ATP8A2: variants seen among roughly 807,000 people sequenced by gnomAD.
ATP8A2 encodes the protein phospholipid-transporting ATPase IB.
ATP8A2 carries 100 observed loss-of-function variants against 165.6 expected under a neutral mutation model. The observed-to-expected ratio is 0.60, with a 90% CI of 0.51 to 0.71. ATP8A2 has a LOEUF of 0.71. Among genes scored for constraint, ATP8A2 ranks in the 30% least tolerant of loss-of-function variants. The pLI, the probability that ATP8A2 is intolerant of heterozygous loss-of-function variation, is 0.00. For missense variants in ATP8A2, 1,227 were observed against 1,479.5 expected (o/e 0.83, Z 2.80); for synonymous variants, 543 against 548.8 (o/e 0.99, Z 0.15).
chr13:25,536,069 T>A (rs2038272086), intron 6 of ATP8A2, among the ~76,000 whole-genome samples: 1 of 152,192 alleles, frequency 6.6e-6, no homozygotes, highest in African/African-American at 2.4e-5. Flanking sequence ...TTACTTCTTC[T>A]GATTTTTATA....
chr13:25,984,028 T>C (rs1956222954), intron 35 of ATP8A2, among the ~76,000 whole-genome samples: 1 of 149,280 alleles, frequency 6.7e-6, no homozygotes. Context: ...AGGCCAGGAG[T>C]TCAAGACCAG....
At chr13:25,740,955 A>T (rs2043898219) in intron 25 of ATP8A2, among the ~76,000 whole-genome samples, 1 of 152,236 alleles carries the variant, frequency 6.6e-6, no homozygotes, top group South Asian at 2.1e-4. Flanking sequence ...TCATTTAAAC[A>T]GGCGTCTTTA....
chr13:25,545,999 G>T (rs767106109), intron 10 of ATP8A2, among the ~76,000 whole-genome samples: 2 of 152,084 alleles, frequency 1.3e-5, no homozygotes, highest in Admixed American at 6.6e-5. Context: ...TTTGGTCAAG[G>T]CCCCAAAGCT....
chr13:25,883,208 G>GCA (rs1953037724), intron 33 of ATP8A2, among the ~76,000 whole-genome samples: 2 of 152,010 alleles, frequency 1.3e-5, no homozygotes, highest in Non-Finnish European at 2.9e-5. Context: ...TCCCTCTCCA[G>GCA]TGTGTGGCAT....
intron 1 of ATP8A2, among the ~76,000 whole-genome samples, chr13:25,394,818 C>T (rs969959877): frequency 2.6e-5 from 4 of 152,292 alleles, no homozygotes; most frequent in South Asian, 2.1e-4. Flanking sequence ...AATAACTCTT[C>T]GTCACCTGAG....
chr13:25,703,509 G>A (rs1457849080), intron 25 of ATP8A2, among the ~76,000 whole-genome samples: 1 of 152,130 alleles, frequency 6.6e-6, no homozygotes, highest in Non-Finnish European at 1.5e-5. Flanking sequence ...ATACTTGTAT[G>A]TGCATGTCCA....
Position 25,940,033 on chromosome 13 carries a change from A to G in ATP8A2, c.3184-21542A>G, listed in dbSNP as rs775763989. On this transcript the variant is annotated intron_variant, in intron 33 of 36. Transcript: ENST00000381655. ...TCCACGTTTGGCGAAACGTGAAAGG[A>G]TGTGGATCCTGCCCTCAGTCCTCGG... Among the ~76,000 whole-genome samples, 3 of 151,976 alleles carry G rather than the reference A, an allele frequency of 2.0e-5. No individual in the cohort carries two copies. The East Asian group carries it at 5.8e-4, about 29-fold the overall frequency.
intron 1 of ATP8A2, among the ~76,000 whole-genome samples, chr13:25,417,029 G>A (rs186303688): frequency 6.4e-4 from 98 of 152,022 alleles, no homozygotes; most frequent in African/African-American, 2.0e-3. Context: ...GGGCTATCTC[G>A]GGGGGTGGTT....
intron 2 of ATP8A2, among the ~76,000 whole-genome samples, chr13:25,493,901 GT>G (rs974708124): frequency 2.0e-5 from 3 of 152,114 alleles, no homozygotes; most frequent in Admixed American, 1.3e-4. Context: ...CAGGTGCAAT[GT>G]TTATTGATTT....
chr13:25,562,804 T>A (rs565312679), intron 15 of ATP8A2, among the ~76,000 whole-genome samples: 1 of 151,506 alleles, frequency 6.6e-6, no homozygotes, highest in South Asian at 2.1e-4. Context: ...AAGATAAGCA[T>A]TTTTTTTTCT....
At position 25,697,326 on chromosome 13, in the gene ATP8A2, C is replaced by A. The variant is rs151209868; in HGVS notation, c.2212-1847C>A. The stretch of plus-strand genomic sequence containing the variant: ...ACGGAGCCTCACTCTGTCATCCAAG[C>A]TGGAATGCAGTGGTGCAATCTCGGC... On this transcript the variant is annotated intron_variant, in intron 24 of 36. Coordinates refer to ENST00000381655, the MANE Select transcript of ATP8A2 (RefSeq NM_016529.6). 2.4e-4 allele frequency among the ~76,000 whole-genome samples: 37 copies of A among 152,276 alleles called. 2 individuals are homozygous for A. The East Asian group carries it at 6.2e-3, about 25-fold the overall frequency.
chr13:25,526,814 C>T (rs866168199), intron 2 of ATP8A2, among the ~76,000 whole-genome samples: 5 of 152,180 alleles, frequency 3.3e-5, no homozygotes, highest in Non-Finnish European at 5.9e-5. Flanking sequence ...ATATTTCTTC[C>T]TTCAAGCACT....
At position 25,693,033 on chromosome 13, in the gene ATP8A2, T is replaced by G. The variant is rs774961128; in HGVS notation, c.2212-6140T>G. ...GGGTATGAAACCTCCAGCCCTGACT[T>G]TTTATGCCCCTTATAACAGCTAAGT... is the stretch of plus-strand genomic sequence containing the variant. On this transcript the variant is annotated intron_variant, in intron 24 of 36. Coordinates refer to ENST00000381655, the MANE Select transcript of ATP8A2 (RefSeq NM_016529.6). 3.2e-4 allele frequency among the ~76,000 whole-genome samples: 49 copies of G among 152,214 alleles called. 1 individual carries two copies. The highest frequency in any genetic ancestry group is 2.2e-4 in the Non-Finnish European group (15 of 68,040).
intron 25 of ATP8A2, among the ~76,000 whole-genome samples, chr13:25,728,695 C>G (rs1345553375): frequency 6.6e-6 from 1 of 151,756 alleles, no homozygotes; most frequent in Non-Finnish European, 1.5e-5. Context: ...AAGGGGGGAG[C>G]ACCGTGTCCC....
chr13:26,019,916 C>T lies in ATP8A2; in HGVS notation c.3498C>T (p.His1166=), dbSNP rs376281248. 35 of 1,613,962 alleles carry T rather than the reference C, an allele frequency of 2.2e-5. No homozygotes were observed. The Middle Eastern group carries it at 6.6e-4, about 30-fold the overall frequency. Residue 1166 remains histidine (H), a synonymous_variant, in exon 37 of 37, where the codon CAC becomes CAT. Coordinates refer to ENST00000381655, the MANE Select transcript of ATP8A2 (RefSeq NM_016529.6). The part of the protein sequence containing the change: ...PHGYAFSQEE[H]GAVSQEEVIR... ...GGTATGCTTTTTCTCAAGAAGAACA[C>T]GGAGCTGTTAGTCAGGAAGAAGTCA... is the stretch of plus-strand genomic sequence containing the variant.
At chr13:25,992,697 T>C (rs900826228) in intron 35 of ATP8A2, among the ~76,000 whole-genome samples, 1 of 152,174 alleles carries the variant, frequency 6.6e-6, no homozygotes, top group Non-Finnish European at 1.5e-5. Flanking sequence ...TGTTTGTTTT[T>C]TTAATTATAC....
At chr13:25,547,675 C>G (rs1483985592) in intron 10 of ATP8A2, among the ~76,000 whole-genome samples, 1 of 152,120 alleles carries the variant, frequency 6.6e-6, no homozygotes, top group Non-Finnish European at 1.5e-5. Flanking sequence ...CATCCCCACC[C>G]AAGTCTGTGG....
At chr13:25,436,595 T>C (rs1040455367) in intron 1 of ATP8A2, among the ~76,000 whole-genome samples, 2 of 152,156 alleles carry the variant, frequency 1.3e-5, no homozygotes, top group African/African-American at 2.4e-5. Context: ...TTTGGTAGAA[T>C]GATTTATTTT....
chr13:25,570,317 G>A (rs925927870), intron 16 of ATP8A2, among the ~76,000 whole-genome samples: 6 of 152,284 alleles, frequency 3.9e-5, no homozygotes, highest in East Asian at 1.9e-4. Context: ...AGGATCTTGC[G>A]AGAGTGAGGC....
Sources: gnomAD v4.1 joint callset for allele counts (sites outside exome capture counted in the v4.1 genomes callset) on GRCh38, gnomAD v4.1.1 for gene constraint, MANE v1.5 for transcripts, NCBI Gene and HGNC (gene_info 2026-07-23, HGNC 2026-07-21) for gene names.